Variants in FCGRT observed in about 807,000 individuals in gnomAD.
FCGRT encodes the protein IgG receptor FcRn large subunit p51.
A neutral mutation model predicts 35.7 loss-of-function variants in FCGRT; 13 were observed. The observed-to-expected ratio is 0.36, with a 90% CI of 0.24 to 0.58. FCGRT has a LOEUF of 0.58. FCGRT is among the 20% of genes least tolerant of loss of function. The pLI, the probability that FCGRT is intolerant of heterozygous loss-of-function variation, is 0.77. For missense variants in FCGRT, 455 were observed against 474.9 expected (o/e 0.96, Z 0.39); for synonymous variants, 233 against 216.5 (o/e 1.08, Z -0.67).
chr19:49,514,556 T>C, intron 4 of FCGRT, 70 bp downstream of exon 4: 11 of 1,418,168 alleles, frequency 7.8e-6, no homozygotes, highest in Non-Finnish European at 1.0e-5. Flanking sequence ...TCAGTTCCCC[T>C]GCCAGGACCC....
intron 4 of FCGRT, among the ~76,000 whole-genome samples, chr19:49,522,668 G>A (rs1358532009): frequency 6.6e-6 from 1 of 150,756 alleles, no homozygotes; most frequent in Non-Finnish European, 1.5e-5. Context: ...TCCTGACCTC[G>A]TGATCCTCCT....
intron 1 of FCGRT, chr19:49,513,068 T>C (rs1288420109): frequency 1.2e-4 from 10 of 83,970 alleles, no homozygotes; most frequent in Non-Finnish European, 1.7e-4. Flanking sequence ...CCCGGACTCC[T>C]GGGTCCGAGG....
chr19:49,514,151 A>T lies in FCGRT; in HGVS notation c.325+18A>T. The T allele has an allele frequency of 6.2e-7, 1 of 1,612,364 alleles. No individual in the cohort carries two copies. The highest frequency in any genetic ancestry group is 8.5e-7 in the Non-Finnish European group (1 of 1,179,072). ...GGGAAAAGGTGAGATTCCGGTCTGG[A>T]GGGGCAAGGGGCCGGGTCCATGCTC... On this transcript the variant is annotated intron_variant, in intron 3 of 6. Transcript: ENST00000221466.
chr19:49,521,758 C>T (rs1199686708), intron 4 of FCGRT: 1 of 151,616 alleles, frequency 6.6e-6, no homozygotes, highest in Non-Finnish European at 1.5e-5. Flanking sequence ...CAGCCTCAAC[C>T]TCCCAAGCTC....
chr19:49,513,275 C>T (rs2079984154), intron 1 of FCGRT, 112 bp from the exon 2 acceptor site: 2 of 424,882 alleles, frequency 4.7e-6, no homozygotes, highest in Non-Finnish European at 4.1e-6. Flanking sequence ...CAGTCTGGAC[C>T]GAGCCCGCAG....
Position 49,524,709 on chromosome 19 carries a change from C to G in FCGRT, c.804C>G (p.Gly268=). Residue 268 remains glycine, a synonymous_variant, in exon 5 of 7, where the codon GGC becomes GGG. Transcript: ENST00000221466. ...CGTCGTCACTAACAGTCAAAAGTGG[C>G]GATGAGCACCACTACTGCTGCATTG... ...HASSSLTVKS[G]DEHHYCCIVQ... 6.2e-7 allele frequency: 1 copy of G among 1,602,656 alleles called. No homozygotes were observed. The highest frequency in any genetic ancestry group is 8.5e-7 in the Non-Finnish European group (1 of 1,179,856).
intron 4 of FCGRT, among the ~76,000 whole-genome samples, chr19:49,522,721 C>T (rs1297691555): frequency 6.6e-6 from 1 of 150,846 alleles, no homozygotes; most frequent in Non-Finnish European, 1.5e-5. Context: ...TGTGAGCCAC[C>T]ACACCTGTCC....
intron 4 of FCGRT, among the ~76,000 whole-genome samples, chr19:49,516,486 C>T (rs539664507): frequency 1.3e-5 from 2 of 151,446 alleles, no homozygotes; most frequent in South Asian, 4.2e-4. Context: ...CTTTTGACCT[C>T]GTGATCTGCC....
intron 4 of FCGRT, chr19:49,515,413 C>T (rs1198186270): frequency 6.6e-6 from 1 of 152,108 alleles, no homozygotes; most frequent in Admixed American, 6.6e-5. Flanking sequence ...TCATGAGTAG[C>T]TGGCACTATA....
At chr19:49,524,410 A>G in intron 4 of FCGRT, 97 bp from the exon 5 acceptor site, 1 of 1,330,022 alleles carries the variant, frequency 7.5e-7, no homozygotes, top group Non-Finnish European at 1.0e-6. Flanking sequence ...TGCGGTTAGC[A>G]CAGTGCAAAC....
chr19:49,512,834 G>GA (rs2079979124), intron 1 of FCGRT, 84 bp downstream of exon 1: 1 of 149,838 alleles, frequency 6.7e-6, no homozygotes, highest in Non-Finnish European at 1.5e-5. Context: ...TGGGGGTCTC[G>GA]ACACTGGGTC....
intron 5 of FCGRT, chr19:49,525,105 C>A: frequency 1.8e-6 from 1 of 545,138 alleles, no homozygotes; most frequent in South Asian, 1.7e-5. Flanking sequence ...CATTCGTTGT[C>A]TGCTATGCCC....
intron 4 of FCGRT, chr19:49,515,994 C>T (rs879657821): frequency 4.2e-5 from 14 of 334,064 alleles, no homozygotes; most frequent in Admixed American, 1.8e-4. Context: ...GTTTCCTCCC[C>T]GGAGGCCCCC....
intron 2 of FCGRT, 27 bp from the exon 3 acceptor site, chr19:49,513,855 T>TC (rs768959341): frequency 9.1e-6 from 14 of 1,538,424 alleles, no homozygotes; most frequent in African/African-American, 1.4e-5. Flanking sequence ...GCCCGTGTGC[T>TC]CCCTTCAGCT....
intron 4 of FCGRT, chr19:49,520,903 A>T (rs1300856564): frequency 3.3e-5 from 5 of 152,258 alleles, no homozygotes; most frequent in Non-Finnish European, 7.3e-5. Flanking sequence ...AGGAGGGAGA[A>T]GCTGCTGTGC....
intron 4 of FCGRT, among the ~76,000 whole-genome samples, chr19:49,515,471 G>A (rs1403302941): frequency 1.3e-5 from 2 of 151,960 alleles, no homozygotes; most frequent in Non-Finnish European, 2.9e-5. Context: ...AGTAGAGATG[G>A]GGTTTCGTCA....
Position 49,526,382 on chromosome 19 carries a change from C to G in FCGRT, c.*263C>G. On this transcript the variant is annotated 3_prime_UTR_variant, in exon 7 of 7. Transcript: ENST00000221466. ...AGGCAGGGGAGGTAAGGGAATAAGTCGGGGGACTGAATGGCGGCTGGGCCT... is the reference window on the plus strand; with the variant it reads ...AGGCAGGGGAGGTAAGGGAATAAGTGGGGGGACTGAATGGCGGCTGGGCCT... 2.0e-6 allele frequency: 1 copy of G among 491,488 alleles called. No homozygotes were observed. Among genetic ancestry groups the G allele is most frequent in the Non-Finnish European group, 3.6e-6 (1 of 275,644 alleles). 30.4% of individuals were successfully genotyped at this position (491,488 alleles called of 1,614,324 possible).
chr19:49,525,116 G>A (rs1459545195), intron 5 of FCGRT: 5 of 533,734 alleles, frequency 9.4e-6, no homozygotes, highest in Admixed American at 4.8e-5. Context: ...TGCTATGCCC[G>A]TCCTCACCAA....
At chr19:49,522,953 A>C (rs1242837139) in intron 4 of FCGRT, among the ~76,000 whole-genome samples, 2 of 150,280 alleles carry the variant, frequency 1.3e-5, no homozygotes, top group African/African-American at 4.9e-5. Context: ...AATTTTTTGT[A>C]TTTTTAGTAG....
Sources: allele counts gnomAD v4.1 joint callset (sites outside exome capture counted in the v4.1 genomes callset), GRCh38; gene constraint gnomAD v4.1.1; transcripts MANE v1.5; gene names NCBI Gene and HGNC (gene_info 2026-07-23, HGNC 2026-07-21).